The following EXTL3 variants were observed in gnomAD, a reference collection of about 807,000 sequenced individuals.
The protein encoded by EXTL3 is exostosin like glycosyltransferase 3, also known as exostosin-like 3.
EXTL3 carries 27 observed loss-of-function variants against 69.3 expected under a neutral mutation model. The observed-to-expected ratio is 0.39, with a 90% CI of 0.29 to 0.54. EXTL3 has a LOEUF of 0.54. EXTL3 is among the 20% of genes least tolerant of loss of function. EXTL3 has a pLI of 0.69. For missense variants in EXTL3, 1,003 were observed against 1,231.8 expected, an observed-to-expected ratio of 0.81 and a Z score of 2.78; for synonymous variants, 511 against 499.4, an observed-to-expected ratio of 1.02 and a Z score of -0.31.
intron 1 of EXTL3, among the ~76,000 whole-genome samples, chr8:28,688,313 C>T (rs1052597296): frequency 6.6e-6 from 1 of 152,134 alleles, no homozygotes; most frequent in African/African-American, 2.4e-5. Context: ...GATCCGTCCA[C>T]CTTGGCCTCC....
chr8:28,676,815 C>A (rs911606949), intron 1 of EXTL3, among the ~76,000 whole-genome samples: 4 of 152,164 alleles, frequency 2.6e-5, no homozygotes, highest in Admixed American at 2.6e-4. Flanking sequence ...CCCCGTGTGC[C>A]TAAGCATCAC....
At chr8:28,628,516 C>T (rs1036038165) in intron 1 of EXTL3, among the ~76,000 whole-genome samples, 2 of 152,174 alleles carry the variant, frequency 1.3e-5, no homozygotes, top group Non-Finnish European at 2.9e-5. Flanking sequence ...GGCAGCAGAG[C>T]GAGACCTCAT....
Position 28,623,212 on chromosome 8 carries a change from A to C in EXTL3, c.-53+402A>C, listed in dbSNP as rs1437184458. Among the ~76,000 whole-genome samples, 1 of 152,122 alleles carries C rather than the reference A, an allele frequency of 6.6e-6. No individual in the cohort carries two copies. The highest frequency in any genetic ancestry group is 1.5e-5 in the Non-Finnish European group (1 of 68,012). On this transcript the variant is annotated intron_variant, in intron 1 of 6. Coordinates refer to the EXTL3 transcript ENST00000523149. This position sits in a 1 kb window ranked among gnomAD's most constrained non-coding sequence, Gnocchi z 4.2. ...CCCCTGCTGCCTCGGGTACGGGGTA[A>C]GCGGCATCTGCCACGCGCCCGCCTC...
chr8:28,735,845 C>A (rs769210293), intron 4 of EXTL3, among the ~76,000 whole-genome samples: 3 of 152,178 alleles, frequency 2.0e-5, no homozygotes, highest in Non-Finnish European at 2.9e-5. Context: ...TGTGTCCATA[C>A]AGAAAGGAAT....
chr8:28,619,757 G>C (rs1806381571), upstream of EXTL3, among the ~76,000 whole-genome samples: 1 of 148,032 alleles, frequency 6.8e-6, no homozygotes, highest in African/African-American at 2.5e-5. Flanking sequence ...TACAGCACAG[G>C]CATCTGCAGA....
chr8:28,715,322 G>A (rs1400567524), intron 2 of EXTL3, among the ~76,000 whole-genome samples: 2 of 152,146 alleles, frequency 1.3e-5, no homozygotes, highest in African/African-American at 2.4e-5. Context: ...CTATAATGCC[G>A]CTCTAGATCC....
intron 1 of EXTL3, among the ~76,000 whole-genome samples, chr8:28,704,607 A>C (rs78359816): frequency 0.028 from 4,215 of 151,942 alleles, 198 homozygotes; most frequent in African/African-American, 0.097. Flanking sequence ...ACTTGCTTTT[A>C]AATGTTTTTT....
chr8:28,651,135 A>G (rs529545342), intron 1 of EXTL3, among the ~76,000 whole-genome samples: 1 of 152,298 alleles, frequency 6.6e-6, no homozygotes, highest in South Asian at 2.1e-4. Flanking sequence ...TGCAATGAGC[A>G]TGTCCTTTGA....
At chr8:28,704,831 C>T (rs911469149) in intron 1 of EXTL3, among the ~76,000 whole-genome samples, 21 of 152,092 alleles carry the variant, frequency 1.4e-4, no homozygotes, top group Admixed American at 9.2e-4. Context: ...CCACCACACC[C>T]GGCTAATTTT....
At chr8:28,628,598 T>C (rs113562927) in intron 1 of EXTL3, among the ~76,000 whole-genome samples, 3,949 of 152,294 alleles carry the variant, frequency 0.026, 150 homozygotes, top group African/African-American at 0.082. Context: ...TAAAAAGTCC[T>C]ATGGTATGTC....
chr8:28,650,439 C>A (rs1195327541), intron 1 of EXTL3, among the ~76,000 whole-genome samples: 1 of 151,814 alleles, frequency 6.6e-6, no homozygotes, highest in Non-Finnish European at 1.5e-5. Context: ...CTCACTGCAA[C>A]CTCTGCCTCC....
At chr8:28,710,893 G>A (rs1351930223) in intron 1 of EXTL3, among the ~76,000 whole-genome samples, 3 of 152,050 alleles carry the variant, frequency 2.0e-5, no homozygotes, top group African/African-American at 7.2e-5. Context: ...GGCAATGCTA[G>A]GTTTATAAAA....
intron 1 of EXTL3, among the ~76,000 whole-genome samples, chr8:28,636,902 A>AACCC (rs1806664979): frequency 6.6e-6 from 1 of 151,912 alleles, no homozygotes; most frequent in South Asian, 2.1e-4. Context: ...TCCCGGCTTG[A>AACCC]ACCCAGGAGG....
At position 28,751,641 on chromosome 8, in the gene EXTL3, G is replaced by C. The variant is rs1221185464; in HGVS notation, c.*775G>C. On this transcript the variant is annotated 3_prime_UTR_variant, in exon 7 of 7. Transcript: ENST00000220562. ...AGCGATTTTTGAGGATTTATCTTTA[G>C]GCCAGGCTTGCCTCCGTACTTATCC... 1 of 151,574 alleles carries C rather than the reference G, an allele frequency of 6.6e-6. No individual in the cohort carries two copies. The highest frequency in any genetic ancestry group is 1.5e-5 in the Non-Finnish European group (1 of 68,114). 9.4% of individuals were successfully genotyped at this position (151,574 alleles called of 1,614,324 possible). A position where few individuals can be genotyped will look rare whatever the true frequency, so the allele number is the denominator to read the frequency against.
chr8:28,720,029 G>GT (rs1043428151), intron 3 of EXTL3, among the ~76,000 whole-genome samples: 9 of 151,984 alleles, frequency 5.9e-5, no homozygotes, highest in African/African-American at 1.2e-4. Flanking sequence ...AGCAATACAA[G>GT]TTTTTTTTCT....
chr8:28,612,148 A>G (rs952582511), intron 2 of EXTL3, among the ~76,000 whole-genome samples: 3 of 152,146 alleles, frequency 2.0e-5, no homozygotes, highest in Non-Finnish European at 2.9e-5. Flanking sequence ...CATTTCTAAC[A>G]TGTCTTAAAA....
At chr8:28,677,370 C>G (rs762811350) in intron 1 of EXTL3, among the ~76,000 whole-genome samples, 5 of 152,094 alleles carry the variant, frequency 3.3e-5, no homozygotes, top group Non-Finnish European at 7.4e-5. Flanking sequence ...TGCCTAGGAG[C>G]CTTTGTCTCT....
chr8:28,637,633 GAA>G (rs994494916), intron 1 of EXTL3, among the ~76,000 whole-genome samples: 24 of 139,738 alleles, frequency 1.7e-4, no homozygotes, highest in African/African-American at 6.0e-4. Context: ...CCCCATGTCT[GAA>G]AAAAAAAACA....
rs1041861379 is a variant in EXTL3, at chr8:28,623,854, A to G, written c.-53+1044A>G. Among the ~76,000 whole-genome samples, 7 of 152,216 alleles carry G rather than the reference A, an allele frequency of 4.6e-5. No homozygotes were observed. The highest frequency in any genetic ancestry group is 1.4e-4 in the African/African-American group (6 of 41,448). On this transcript the variant is annotated intron_variant, in intron 1 of 6. Transcript: ENST00000523149. This position sits in a 1 kb window ranked among gnomAD's most constrained non-coding sequence, Gnocchi z 4.2. Reference sequence around the variant, plus strand: ...TCCTTAACAAATTTGCTGCTCGTAAAAGGCAGCAGATGGGAAATCAGGCAA... The same window carrying G: ...TCCTTAACAAATTTGCTGCTCGTAAGAGGCAGCAGATGGGAAATCAGGCAA...
Sources: allele counts gnomAD v4.1 joint callset (sites outside exome capture counted in the v4.1 genomes callset), GRCh38; gene constraint gnomAD v4.1.1; non-coding constraint Gnocchi (gnomAD v3.1); transcripts MANE v1.5; gene names NCBI Gene and HGNC (gene_info 2026-07-23, HGNC 2026-07-21).